AFG2A: variants seen among roughly 807,000 people sequenced by gnomAD.
AFG2A encodes AAA ATPase AFG2A, also known as ATPase family gene 2 protein homolog A.
chr4:123,032,061 C>G, the AFG2A span, among the ~76,000 whole-genome samples: 1 of 152,158 alleles, frequency 6.6e-6, no homozygotes, highest in East Asian at 1.9e-4. Flanking sequence ...AGCTGCATTG[C>G]TTTACTATAT....
chr4:123,280,044 A>T, the AFG2A span, among the ~76,000 whole-genome samples: 8 of 152,252 alleles, frequency 5.3e-5, no homozygotes, highest in African/African-American at 1.7e-4. Context: ...GTGCAATGCT[A>T]AGTAATATTT....
the AFG2A span, among the ~76,000 whole-genome samples, chr4:122,939,407 A>G: frequency 1.3e-5 from 2 of 152,132 alleles, no homozygotes; most frequent in African/African-American, 2.4e-5. Context: ...ATTAATAAAA[A>G]CTATATGCTA....
chr4:123,121,688 G>A, the AFG2A span, among the ~76,000 whole-genome samples: 16 of 152,104 alleles, frequency 1.1e-4, no homozygotes, highest in African/African-American at 3.4e-4. Context: ...TACCATCTAG[G>A]TTTGTGTAAG....
the AFG2A span, among the ~76,000 whole-genome samples, chr4:123,242,326 A>C: frequency 3.9e-5 from 6 of 152,330 alleles, no homozygotes; most frequent in East Asian, 1.2e-3. Flanking sequence ...AAAACAACAA[A>C]GCTGGAGGCA....
chr4:123,165,856 C>T, the AFG2A span, among the ~76,000 whole-genome samples: 1 of 152,130 alleles, frequency 6.6e-6, no homozygotes, highest in African/African-American at 2.4e-5. Flanking sequence ...GAGATGTTCA[C>T]ATTGGGGGGA....
chr4:123,282,860 A>G, the AFG2A span, among the ~76,000 whole-genome samples: 8 of 152,108 alleles, frequency 5.3e-5, no homozygotes, highest in Admixed American at 6.5e-5. Context: ...GGAAAATACC[A>G]TGTTTCTTGT....
At chr4:123,088,936 T>C in the AFG2A span, among the ~76,000 whole-genome samples, 1 of 152,204 alleles carries the variant, frequency 6.6e-6, no homozygotes, top group Admixed American at 6.5e-5. Flanking sequence ...TTGTTTATAG[T>C]GTTCAATGTT....
At chr4:123,277,544 G>A in the AFG2A span, among the ~76,000 whole-genome samples, 2 of 152,104 alleles carry the variant, frequency 1.3e-5, no homozygotes, top group African/African-American at 2.4e-5. Flanking sequence ...GGGCATTCTG[G>A]TCTTGTGCTG....
chr4:123,017,464 C>G, the AFG2A span, among the ~76,000 whole-genome samples: 40 of 36,048 alleles, frequency 1.1e-3, no homozygotes, highest in South Asian at 2.6e-3. Context: ...TCACTATATA[C>G]AGCTAATGGC....
the AFG2A span, among the ~76,000 whole-genome samples, chr4:123,161,286 A>G: frequency 6.6e-6 from 1 of 152,218 alleles, no homozygotes; most frequent in African/African-American, 2.4e-5. Context: ...CCTCAAAATT[A>G]GAACCTAATA....
chr4:123,097,953 A>G, the AFG2A span, among the ~76,000 whole-genome samples: 1 of 152,138 alleles, frequency 6.6e-6, no homozygotes, highest in African/African-American at 2.4e-5. Context: ...TGACATATGA[A>G]AATTATATGA....
At chr4:123,266,935 G>A in the AFG2A span, among the ~76,000 whole-genome samples, 1 of 151,894 alleles carries the variant, frequency 6.6e-6, no homozygotes, top group Non-Finnish European at 1.5e-5. Context: ...TCATTATTTT[G>A]CTCTTTCTTT....
the AFG2A span, among the ~76,000 whole-genome samples, chr4:123,046,020 C>T: frequency 6.1e-4 from 93 of 151,686 alleles, no homozygotes; most frequent in Non-Finnish European, 1.0e-3. Flanking sequence ...TCACTTGAAC[C>T]TGGGAAGCAG....
chr4:122,934,119 C>T, the AFG2A span: 1 of 1,595,970 alleles, frequency 6.3e-7, no homozygotes, highest in South Asian at 1.1e-5. Flanking sequence ...TTTTACCAGG[C>T]AACTTTCTGT....
At chr4:122,996,586 T>TAGAC in the AFG2A span, among the ~76,000 whole-genome samples, 1 of 150,856 alleles carries the variant, frequency 6.6e-6, no homozygotes, top group Non-Finnish European at 1.5e-5. Flanking sequence ...GATAGATAGA[T>TAGAC]AGATAGATAG....
At chr4:123,269,938 T>C in the AFG2A span, among the ~76,000 whole-genome samples, 250 of 152,102 alleles carry the variant, frequency 1.6e-3, 1 homozygote, top group Non-Finnish European at 3.0e-3. Context: ...TGCCTCAGCC[T>C]CCGGAGTGGC....
At chr4:123,227,161 G>A in the AFG2A span, among the ~76,000 whole-genome samples, 3 of 152,070 alleles carry the variant, frequency 2.0e-5, no homozygotes, top group Non-Finnish European at 4.4e-5. Context: ...CAGAAAACCA[G>A]CTCCTGGATT....
the AFG2A span, among the ~76,000 whole-genome samples, chr4:122,943,132 G>C: frequency 9.9e-5 from 15 of 152,154 alleles, no homozygotes; most frequent in Non-Finnish European, 1.8e-4. Context: ...GTGGAGAGTT[G>C]TGTAGGTGTC....
chr4:122,946,220 A>T, the AFG2A span, among the ~76,000 whole-genome samples: 16 of 152,320 alleles, frequency 1.1e-4, no homozygotes, highest in African/African-American at 3.8e-4. Flanking sequence ...AAATATAGAG[A>T]GCTGTCTTAT....
Sources: gnomAD v4.1 joint callset for allele counts (sites outside exome capture counted in the v4.1 genomes callset) on GRCh38, gnomAD v4.1.1 for gene constraint, MANE v1.5 for transcripts, NCBI Gene and HGNC (gene_info 2026-07-23, HGNC 2026-07-21) for gene names.